Variants in TACC2 observed in about 807,000 individuals in gnomAD.
The protein encoded by TACC2 is transforming acidic coiled-coil containing protein 2.
TACC2 carries 137 observed loss-of-function variants against 227.3 expected under a neutral mutation model. The observed-to-expected ratio is 0.60, with a 90% CI of 0.52 to 0.69. The LOEUF (loss-of-function observed/expected upper bound fraction) is 0.69. Ranked by LOEUF, TACC2 falls within the 30% of genes least tolerant of loss-of-function variation. The pLI, the probability that TACC2 is intolerant of heterozygous loss-of-function variation, is 0.00. For missense variants in TACC2, 3,470 were observed against 3,694.4 expected (o/e 0.94, Z 1.57); for synonymous variants, 1,523 against 1,487.5 (o/e 1.02, Z -0.55).
At chr10:122,181,950 C>T (rs1192123959) in intron 7 of TACC2, among the ~76,000 whole-genome samples, 4 of 152,312 alleles carry the variant, frequency 2.6e-5, no homozygotes, top group Middle Eastern at 3.4e-3. Flanking sequence ...CGTGATTGTA[C>T]TGCTTTATTG....
chr10:122,008,110 C>CTGTT lies in TACC2; in HGVS notation c.-45-13826_-45-13823dup, dbSNP rs144579009. Among the ~76,000 whole-genome samples, 684 of 152,142 alleles carry CTGTT rather than the reference C, an allele frequency of 4.5e-3. 18 individuals are homozygous for CTGTT. In the East Asian group the frequency reaches 0.063, roughly 14 times the overall value. ...CACAAATTACCCAGTCTATAGTATT[C>CTGTT]TGTTATAGGAACAGAAGATGGACCA... On this transcript the variant is annotated intron_variant, in intron 1 of 22. Coordinates refer to ENST00000369005, the MANE Select transcript of TACC2 (RefSeq NM_206862.4).
intron 8 of TACC2, among the ~76,000 whole-genome samples, chr10:122,204,127 C>G (rs868475548): frequency 3.0e-5 from 4 of 134,872 alleles, no homozygotes; most frequent in Non-Finnish European, 4.7e-5. Context: ...AGCTTCGGCT[C>G]GGCATCAGAG....
At chr10:122,064,264 G>A (rs923671733) in intron 3 of TACC2, among the ~76,000 whole-genome samples, 13 of 152,070 alleles carry the variant, frequency 8.5e-5, no homozygotes, top group Non-Finnish European at 1.2e-4. Flanking sequence ...TTAGGTTACC[G>A]AAAAATCGTG....
intron 22 of TACC2, among the ~76,000 whole-genome samples, chr10:122,250,400 AGCCTGG>A (rs1564888518): frequency 6.6e-6 from 1 of 152,228 alleles, no homozygotes; most frequent in Non-Finnish European, 1.5e-5. Context: ...CGAGCCCAGC[AGCCTGG>A]GTTGGCAGCA....
chr10:122,200,648 C>CTGCGTT, intron 8 of TACC2, among the ~76,000 whole-genome samples: 1 of 148,120 alleles, frequency 6.8e-6, no homozygotes, highest in Non-Finnish European at 1.5e-5. Flanking sequence ...CCCACAGTGG[C>CTGCGTT]CACATTTACA....
chr10:121,995,096 G>A (rs1953269596), intron 1 of TACC2, among the ~76,000 whole-genome samples: 1 of 152,188 alleles, frequency 6.6e-6, no homozygotes, highest in African/African-American at 2.4e-5. Context: ...AAGGCCCTGA[G>A]GGTTTGTAGG....
rs139133884 is a variant in TACC2, at chr10:122,082,759, G to A, written c.259G>A (p.Ala87Thr). The A allele has an allele frequency of 1.8e-4, 285 of 1,613,996 alleles. No individual in the cohort carries two copies. The highest frequency in any genetic ancestry group is 2.3e-4 in the Non-Finnish European group (271 of 1,180,004). Reference sequence around the variant, plus strand: ...TGAGCCAAGGAAGGACCCACAGGGAGCCAGGGGGCCAGAAGGTTCTTTGCT... The same window carrying A: ...TGAGCCAAGGAAGGACCCACAGGGAACCAGGGGGCCAGAAGGTTCTTTGCT... The part of the protein sequence containing the change: ...VTEPRKDPQG[A>T]RGPEGSLLPS... The change falls in exon 4 of 23, where the codon GCC becomes ACC. Residue 87 changes from alanine (A) to threonine (T), a missense_variant. Physicochemically the swap from Ala to Thr is moderately conservative, Grantham distance 58 (BLOSUM62 0). Around this residue, in one of 10 missense-constraint regions of TACC2, gnomAD observed 405 missense variants for 389.6 expected, o/e 1.04. Transcript: ENST00000369005.
At chr10:122,070,651 G>A (rs1339974886) in intron 3 of TACC2, among the ~76,000 whole-genome samples, 9 of 151,882 alleles carry the variant, frequency 5.9e-5, no homozygotes, top group African/African-American at 1.2e-4. Flanking sequence ...TACTTGGGAG[G>A]CTGAGGCAGG....
At chr10:122,185,117 C>T (rs1004090872) in intron 7 of TACC2, among the ~76,000 whole-genome samples, 1 of 150,094 alleles carries the variant, frequency 6.7e-6, no homozygotes, top group Admixed American at 6.6e-5. Flanking sequence ...CCTCCTGCCT[C>T]GGCCTCCCAA....
chr10:122,240,454 C>G (rs1283186321), intron 18 of TACC2, among the ~76,000 whole-genome samples: 1 of 152,196 alleles, frequency 6.6e-6, no homozygotes, highest in Non-Finnish European at 1.5e-5. Flanking sequence ...AGGGCAGGCA[C>G]CCAGCATTAG....
intron 2 of TACC2, among the ~76,000 whole-genome samples, chr10:122,034,887 C>T (rs1193039505): frequency 6.7e-6 from 1 of 149,516 alleles, no homozygotes; most frequent in Non-Finnish European, 1.5e-5. Context: ...AAGATCGTGC[C>T]ACTGCATTCC....
chr10:122,037,230 G>A (rs1960694963), intron 2 of TACC2, among the ~76,000 whole-genome samples: 2 of 152,260 alleles, frequency 1.3e-5, no homozygotes, highest in South Asian at 4.1e-4. Context: ...AGAAAAGTGG[G>A]TGAGGCAAAT....
At chr10:122,226,297 C>T (rs2095626960) in intron 12 of TACC2, 69 bp from the exon 13 acceptor site, 14 of 1,018,876 alleles carry the variant, frequency 1.4e-5, no homozygotes, top group Non-Finnish European at 2.1e-5. Context: ...AAGAGTGCTC[C>T]AGTTTTCATC....
chr10:122,224,677 A>T, intron 11 of TACC2, 49 bp from the exon 12 acceptor site: 1 of 1,572,706 alleles, frequency 6.4e-7, no homozygotes, highest in Non-Finnish European at 8.7e-7. Flanking sequence ...CTCTGGCACT[A>T]ACCTCACCTT....
chr10:122,034,223 G>A (rs1959460915), intron 2 of TACC2, among the ~76,000 whole-genome samples: 2 of 149,730 alleles, frequency 1.3e-5, no homozygotes, highest in South Asian at 2.1e-4. Context: ...TGCACTTGAT[G>A]CATTTGTTTC....
intron 21 of TACC2, 89 bp downstream of exon 21, chr10:122,249,245 C>A: frequency 1.0e-6 from 1 of 992,338 alleles, no homozygotes; most frequent in Non-Finnish European, 1.5e-6. Flanking sequence ...GCGCCTGTGA[C>A]ATTGGCTTGG....
At chr10:122,161,711 T>C (rs769424333) in intron 7 of TACC2, among the ~76,000 whole-genome samples, 4 of 152,260 alleles carry the variant, frequency 2.6e-5, no homozygotes, top group Non-Finnish European at 4.4e-5. Context: ...AGTTGGCAGA[T>C]GAGTTCTAAT....
At chr10:122,148,290 G>C (rs2091648335) in intron 7 of TACC2, among the ~76,000 whole-genome samples, 1 of 152,110 alleles carries the variant, frequency 6.6e-6, no homozygotes, top group Admixed American at 6.5e-5. Flanking sequence ...TTTTAGTAGA[G>C]ATGGGGTTTC....
chr10:122,050,485 CAG>C lies in TACC2; in HGVS notation c.82_83del (p.Gln29GlufsTer14). 6.2e-7 allele frequency: 1 copy of C among 1,614,156 alleles called. No homozygotes were observed. The highest frequency in any genetic ancestry group is 1.1e-5 in the South Asian group (1 of 91,076). ...CAAGGTCCGCGCAGCCACCCGGGAA[CAG>C]TCAGAATATAAAAAGGAAGCAGCAG... ...TPRSAQPPGN[S>X]QNIKRKQQDT... On this transcript the variant is annotated frameshift_variant, in exon 3 of 23. Coordinates refer to ENST00000369005, the MANE Select transcript of TACC2 (RefSeq NM_206862.4). LOFTEE classifies it high-confidence loss of function. The surrounding 1 kb of genome is among the most constrained non-coding windows in gnomAD (Gnocchi z 4.6).
Sources: gnomAD v4.1 joint callset for allele counts (sites outside exome capture counted in the v4.1 genomes callset) on GRCh38, gnomAD v4.1.1 for gene constraint, gnomAD v4.1.1 regional missense constraint, Gnocchi (gnomAD v3.1) non-coding constraint, MANE v1.5 for transcripts, NCBI Gene and HGNC (gene_info 2026-07-23, HGNC 2026-07-21) for gene names.